The following TACC2 variants were observed in gnomAD, a reference collection of about 807,000 sequenced individuals.
TACC2 encodes transforming acidic coiled-coil-containing protein 2.
In TACC2, 137 loss-of-function variants were observed where a neutral mutation model predicts 227.3. That is an observed-to-expected ratio of 0.60 (90% confidence interval 0.52 to 0.69). The LOEUF is 0.69. TACC2 is among the 30% of genes least tolerant of loss of function. TACC2 has a pLI of 0.00. For synonymous variants in TACC2, 1,523 were observed against 1,487.5 expected (o/e 1.02, Z -0.55); for missense variants, 3,470 against 3,694.4 (o/e 0.94, Z 1.57).
chr10:122,237,458 A>G lies in TACC2; in HGVS notation c.8191A>G (p.Thr2731Ala). The G allele has an allele frequency of 6.2e-7, 1 of 1,614,020 alleles. No individual in the cohort carries two copies. Among genetic ancestry groups the G allele is most frequent in the Non-Finnish European group, 8.5e-7 (1 of 1,179,982 alleles). The change falls in exon 17 of 23, where the codon ACC becomes GCC. Residue 2731 changes from threonine (T) to alanine (A), a missense_variant. Thr to Ala is a moderately conservative substitution (Grantham distance 58, BLOSUM62 0). Coordinates refer to ENST00000369005, the MANE Select transcript of TACC2 (RefSeq NM_206862.4). ...SKTALYSRIGTAEVEKPAGLL... is the reference protein window; with the variant it reads ...SKTALYSRIGAAEVEKPAGLL... ...AACAGCCTTGTACTCCCGCATCGGG[A>G]CCGCTGAGGTGGAGAAACCTGCAGG...
chr10:122,017,377 C>T (rs1457390808), intron 1 of TACC2, among the ~76,000 whole-genome samples: 1 of 152,156 alleles, frequency 6.6e-6, no homozygotes, highest in Non-Finnish European at 1.5e-5. Flanking sequence ...CTCCCTCCCT[C>T]CCTGCCAGTC....
chr10:122,173,204 G>A (rs573501500), intron 7 of TACC2, among the ~76,000 whole-genome samples: 28 of 152,254 alleles, frequency 1.8e-4, no homozygotes, highest in African/African-American at 6.7e-4. Context: ...AAAGTCCAAA[G>A]CATCAGAGTT....
At chr10:122,013,084 C>T (rs913063966) in intron 1 of TACC2, among the ~76,000 whole-genome samples, 1 of 152,130 alleles carries the variant, frequency 6.6e-6, no homozygotes, top group Admixed American at 6.5e-5. Flanking sequence ...AATAACCGGC[C>T]CAGCCTCTCA....
chr10:121,998,495 C>A (rs1047576832), intron 1 of TACC2, among the ~76,000 whole-genome samples: 1 of 152,100 alleles, frequency 6.6e-6, no homozygotes, highest in Non-Finnish European at 1.5e-5. Flanking sequence ...TCCTGTTATT[C>A]TATCTTGTGA....
intron 9 of TACC2, chr10:122,213,448 C>A: frequency 6.5e-7 from 1 of 1,530,538 alleles, no homozygotes. Flanking sequence ...TTTCTGCTTC[C>A]AAGCCATTTT....
chr10:122,109,558 C>A (rs538529927), intron 5 of TACC2, among the ~76,000 whole-genome samples: 1 of 152,280 alleles, frequency 6.6e-6, no homozygotes, highest in Admixed American at 6.5e-5. Context: ...CAATGCTAGT[C>A]CTGTTGAGCA....
At chr10:122,145,932 A>G (rs923115813) in intron 7 of TACC2, among the ~76,000 whole-genome samples, 1 of 152,144 alleles carries the variant, frequency 6.6e-6, no homozygotes, top group African/African-American at 2.4e-5. Flanking sequence ...ATTCATTTAC[A>G]CATCTGAGCC....
intron 3 of TACC2, among the ~76,000 whole-genome samples, chr10:122,062,676 T>A (rs2136459896): frequency 6.6e-6 from 1 of 152,244 alleles, no homozygotes; most frequent in Admixed American, 6.5e-5. Context: ...ACCTCTTGGC[T>A]TTTTCAGAAG....
intron 7 of TACC2, among the ~76,000 whole-genome samples, chr10:122,175,623 A>G (rs1250163844): frequency 6.6e-6 from 1 of 152,230 alleles, no homozygotes; most frequent in South Asian, 2.1e-4. Context: ...TCAAAAATTC[A>G]GAGCTTAAAT....
chr10:122,101,456 C>A (rs1022509219), intron 5 of TACC2, among the ~76,000 whole-genome samples: 1 of 151,494 alleles, frequency 6.6e-6, no homozygotes, highest in African/African-American at 2.4e-5. Flanking sequence ...CAGGGTGGCT[C>A]ACACCTATAA....
chr10:122,084,226 C>T lies in TACC2; in HGVS notation c.1726C>T (p.Pro576Ser), dbSNP rs779196180. The change falls in exon 4 of 23, where the codon CCT becomes TCT. Residue 576 changes from proline to serine, a missense_variant. By Grantham distance (74) the Pro-to-Ser change is moderately conservative. Coordinates refer to ENST00000369005, the MANE Select transcript of TACC2 (RefSeq NM_206862.4). ...KEGSRSPGDSPGGKEEAPEPP... is the reference protein window; with the variant it reads ...KEGSRSPGDSSGGKEEAPEPP... ...AGGAAGCAGATCACCTGGTGACAGC[C>T]CTGGAGGAAAGGAGGAAGCCCCAGA... 2 of 1,614,056 alleles carry T rather than the reference C, an allele frequency of 1.2e-6. No homozygotes were observed. The highest frequency in any genetic ancestry group is 1.7e-6 in the Non-Finnish European group (2 of 1,180,036).
intron 3 of TACC2, among the ~76,000 whole-genome samples, chr10:122,056,082 C>A (rs1266021435): frequency 1.3e-5 from 2 of 152,252 alleles, no homozygotes; most frequent in Admixed American, 6.5e-5. Flanking sequence ...ACCAAGATCA[C>A]CTGCAAGGCA....
chr10:122,249,229 C>G, intron 21 of TACC2, 73 bp downstream of exon 21: 2 of 1,112,936 alleles, frequency 1.8e-6, no homozygotes, highest in Non-Finnish European at 2.7e-6. Flanking sequence ...GCTGGGACCT[C>G]TGGCAGCGCC....
intron 7 of TACC2, among the ~76,000 whole-genome samples, chr10:122,151,720 T>A (rs778008199): frequency 1.2e-4 from 18 of 152,298 alleles, no homozygotes; most frequent in South Asian, 2.1e-4. Flanking sequence ...GTGGAAGTTG[T>A]TCCTGTGGTC....
At chr10:122,006,261 A>C (rs1955119298) in intron 1 of TACC2, among the ~76,000 whole-genome samples, 1 of 151,868 alleles carries the variant, frequency 6.6e-6, no homozygotes, top group Non-Finnish European at 1.5e-5. Context: ...ATCCTGGCTA[A>C]CATGGTGAAA....
At chr10:122,113,242 C>G (rs2083968253) in intron 5 of TACC2, 1 of 152,150 alleles carries the variant, frequency 6.6e-6, no homozygotes, top group Non-Finnish European at 1.5e-5. Context: ...GGGTAAGTGC[C>G]GGGGCCACGG....
chr10:122,133,854 C>T (rs1233970222), intron 6 of TACC2, among the ~76,000 whole-genome samples: 5 of 152,202 alleles, frequency 3.3e-5, no homozygotes, highest in Admixed American at 6.5e-5. Context: ...AACTGGTCAC[C>T]TGTAATCTCT....
chr10:122,100,514 C>T lies in TACC2; in HGVS notation c.5573+11923C>T, dbSNP rs560314614. Among the ~76,000 whole-genome samples the T allele has an allele frequency of 2.0e-3, 299 of 151,462 alleles. 5 individuals are homozygous for T. The highest frequency in any genetic ancestry group is 0.018 in the Admixed American group (274 of 15,230). ...TCTTAGCTCACTGCAACCTCCACCTCCTGGGTTCAAGCAGCTCTCCTGCCT... is the reference window on the plus strand; with the variant it reads ...TCTTAGCTCACTGCAACCTCCACCTTCTGGGTTCAAGCAGCTCTCCTGCCT... On this transcript the variant is annotated intron_variant, in intron 5 of 22. Coordinates refer to ENST00000369005, the MANE Select transcript of TACC2 (RefSeq NM_206862.4).
intron 8 of TACC2, among the ~76,000 whole-genome samples, chr10:122,207,073 C>T (rs191568067): frequency 7.9e-5 from 12 of 151,604 alleles, no homozygotes; most frequent in Admixed American, 4.6e-4. Context: ...CTGAGGCAGA[C>T]GGATCACTTG....
Sources: allele counts gnomAD v4.1 joint callset (sites outside exome capture counted in the v4.1 genomes callset), GRCh38; gene constraint gnomAD v4.1.1; transcripts MANE v1.5; gene names NCBI Gene and HGNC (gene_info 2026-07-23, HGNC 2026-07-21).